Variants in ADD3 observed in about 807,000 individuals in gnomAD.
The protein encoded by ADD3 is adducin 3.
Under a neutral mutation model 80.2 loss-of-function variants are expected in ADD3, and 25 were observed. The observed-to-expected ratio is 0.31, with a 90% CI of 0.23 to 0.44. The LOEUF is 0.44. Ranked by LOEUF, ADD3 falls within the 20% of genes least tolerant of loss-of-function variation. ADD3 has a pLI of 1.00. For synonymous variants in ADD3, 284 were observed against 289.6 expected, an observed-to-expected ratio of 0.98 and a Z score of 0.20; for missense variants, 829 against 847.5, an observed-to-expected ratio of 0.98 and a Z score of 0.27.
intron 3 of ADD3, among the ~76,000 whole-genome samples, chr10:110,113,191 ATGCT>A (rs1184197509): frequency 6.6e-6 from 1 of 152,126 alleles, no homozygotes; most frequent in African/African-American, 2.4e-5. Context: ...GGTGGGAGAA[ATGCT>A]TGAGCCCAGG....
At chr10:110,064,351 C>T (rs1843643882) in intron 1 of ADD3, among the ~76,000 whole-genome samples, 1 of 152,098 alleles carries the variant, frequency 6.6e-6, no homozygotes, top group African/African-American at 2.4e-5. Flanking sequence ...ATTGACATAC[C>T]AACTCTGAGT....
intron 1 of ADD3, among the ~76,000 whole-genome samples, chr10:110,073,265 C>A (rs995485342): frequency 1.3e-5 from 2 of 151,348 alleles, no homozygotes; most frequent in African/African-American, 4.9e-5. Flanking sequence ...GCCTCAGCCT[C>A]CCGAGTAGCT....
rs1853376747 is a variant in ADD3 at position 110,133,807 on chromosome 10, A to G, written c.*189A>G. On this transcript the variant is annotated 3_prime_UTR_variant, in exon 15 of 15. Transcript: ENST00000356080. Reference sequence around the variant, plus strand: ...CATCTCTCATTTTATATGTCCAGAAATGGCTTTGAATTTTAAGCAATTACT... The same window carrying G: ...CATCTCTCATTTTATATGTCCAGAAGTGGCTTTGAATTTTAAGCAATTACT... The G allele has an allele frequency of 2.2e-6, 1 of 450,208 alleles. No homozygotes were observed. Among genetic ancestry groups the G allele is most frequent in the Non-Finnish European group, 3.8e-6 (1 of 262,226 alleles). The allele number at this position is 450,208 out of a possible 1,614,324, so 27.9% of individuals were successfully genotyped here. A position where few individuals can be genotyped will look rare whatever the true frequency, so the allele number is the denominator to read the frequency against.
intron 1 of ADD3, among the ~76,000 whole-genome samples, chr10:110,020,032 G>T (rs531061845): frequency 6.6e-6 from 1 of 152,274 alleles, no homozygotes; most frequent in East Asian, 1.9e-4. Context: ...AAAGCAAACT[G>T]TAGAAACATT....
chr10:110,078,736 TACAAC>T (rs1845670361), intron 1 of ADD3, among the ~76,000 whole-genome samples: 2 of 152,168 alleles, frequency 1.3e-5, no homozygotes, highest in South Asian at 4.1e-4. Context: ...AAATCTCTCT[TACAAC>T]ACAGAAAATG....
In ADD3 at chr10:110,116,368, A is replaced by G; in HGVS notation, c.444A>G (p.Val148=). ...RCKLASLYRL[V]DLFGWAHLAN... ...AACTTGCCAGCCTGTACAGACTTGT[A>G]GACTTGTTTGGATGGGCACACCTGG... Residue 148 remains valine (V), a synonymous_variant, in exon 4 of 15, where the codon GTA becomes GTG. Coordinates refer to ENST00000356080, the MANE Select transcript of ADD3 (RefSeq NM_016824.5). The G allele has an allele frequency of 6.2e-7, 1 of 1,614,180 alleles. No individual in the cohort carries two copies. Among genetic ancestry groups the G allele is most frequent in the Non-Finnish European group, 8.5e-7 (1 of 1,179,994 alleles).
chr10:110,069,667 T>C (rs1289603741), intron 1 of ADD3, among the ~76,000 whole-genome samples: 1 of 152,192 alleles, frequency 6.6e-6, no homozygotes, highest in Admixed American at 6.5e-5. Flanking sequence ...TGAAATTTGT[T>C]TACTGACCTT....
intron 1 of ADD3, among the ~76,000 whole-genome samples, chr10:110,078,686 C>G (rs1038172690): frequency 6.6e-6 from 1 of 152,038 alleles, no homozygotes; most frequent in Non-Finnish European, 1.5e-5. Context: ...GCATCATGAC[C>G]CAATCATGAC....
At chr10:110,069,566 C>T (rs1253085492) in intron 1 of ADD3, among the ~76,000 whole-genome samples, 1 of 151,986 alleles carries the variant, frequency 6.6e-6, no homozygotes, top group Non-Finnish European at 1.5e-5. Context: ...CCCCTTCCCA[C>T]CCTCTCCCAT....
chr10:110,100,768 A>G lies in ADD3; in HGVS notation c.115A>G (p.Arg39Gly). 1.2e-6 allele frequency: 2 copies of G among 1,613,976 alleles called. No individual in the cohort carries two copies. Among genetic ancestry groups the G allele is most frequent in the Admixed American group, 1.7e-5 (1 of 60,000 alleles). Residue 39 changes from arginine (R) to glycine (G), a missense_variant, in exon 2 of 15, where the codon AGG (arginine) becomes GGG (glycine). Coordinates refer to ENST00000356080, the MANE Select transcript of ADD3 (RefSeq NM_016824.5). ...AAATGACCCAGAATACATTAGGGAG[A>G]GGAACATGTCTCCTGATCTACGACA... ...NENDPEYIRE[R>G]NMSPDLRQDF...
chr10:110,095,687 TAGTC>T (rs1848068662), intron 1 of ADD3, among the ~76,000 whole-genome samples: 1 of 152,212 alleles, frequency 6.6e-6, no homozygotes, highest in African/African-American at 2.4e-5. Flanking sequence ...AATTTTATAA[TAGTC>T]AAAGACGAGA....
chr10:109,997,110 G>A (rs1347351169), intron 1 of ADD3, among the ~76,000 whole-genome samples: 1 of 152,214 alleles, frequency 6.6e-6, no homozygotes, highest in Non-Finnish European at 1.5e-5. Context: ...AGAGAAAGCT[G>A]AAGAATAGGG....
chr10:110,096,620 C>G (rs1050725069), intron 1 of ADD3, among the ~76,000 whole-genome samples: 1 of 152,082 alleles, frequency 6.6e-6, no homozygotes, highest in Non-Finnish European at 1.5e-5. Flanking sequence ...ACCTGGCTTA[C>G]TGGGGACAGC....
At chr10:110,128,081 C>A (rs1166375009) in intron 12 of ADD3, among the ~76,000 whole-genome samples, 1 of 139,168 alleles carries the variant, frequency 7.2e-6, no homozygotes, top group Non-Finnish European at 1.6e-5. Context: ...TGCTTTTAGA[C>A]CCTTTCTGCA....
Position 110,133,482 on chromosome 10 carries a change from T to G in ADD3, c.1985T>G (p.Ile662Ser). The stretch of plus-strand genomic sequence containing the variant: ...ACCATAGAAAACATCGAGATTACTA[T>G]TAAGTCTCCAGAGAAAATCGAAGAA... The part of the protein sequence containing the change: ...STTIENIEIT[I>S]KSPEKIEEVL... Residue 662 changes from isoleucine (I) to serine (S), a missense_variant, in exon 15 of 15, where the codon ATT becomes AGT. Coordinates refer to ENST00000356080, the MANE Select transcript of ADD3 (RefSeq NM_016824.5). 1.2e-6 allele frequency: 2 copies of G among 1,613,904 alleles called. No individual in the cohort carries two copies. Among genetic ancestry groups the G allele is most frequent in the Non-Finnish European group, 8.5e-7 (1 of 1,179,904 alleles).
intron 6 of ADD3, among the ~76,000 whole-genome samples, chr10:110,118,991 A>T (rs1398886182): frequency 2.6e-5 from 4 of 152,206 alleles, no homozygotes; most frequent in Admixed American, 1.3e-4. Flanking sequence ...CTTCTTTCAT[A>T]ATATTTGACA....
At chr10:110,126,574 ATATT>A (rs1263389289) in intron 12 of ADD3, 71 bp downstream of exon 12, 2 of 1,127,038 alleles carry the variant, frequency 1.8e-6, no homozygotes, top group East Asian at 5.2e-5. Flanking sequence ...TTAAATATGA[ATATT>A]TATTTTTACT....
chr10:110,116,396 A>G lies in ADD3; in HGVS notation c.472A>G (p.Asn158Asp). The G allele has an allele frequency of 6.2e-7, 1 of 1,614,100 alleles. No individual in the cohort carries two copies. The highest frequency in any genetic ancestry group is 8.5e-7 in the Non-Finnish European group (1 of 1,179,976). Residue 158 changes from asparagine to aspartate, a missense_variant, in exon 4 of 15, where the codon AAT (asparagine) becomes GAT (aspartate). Coordinates refer to ENST00000356080, the MANE Select transcript of ADD3 (RefSeq NM_016824.5). ...VDLFGWAHLA[N>D]TYISVRISKE... ...CTTGTTTGGATGGGCACACCTGGCA[A>G]ATACCTATATCTCAGTGAGTTCTTC...
At chr10:109,996,617 G>C (rs368160073) in intron 1 of ADD3, among the ~76,000 whole-genome samples, 7 of 152,278 alleles carry the variant, frequency 4.6e-5, no homozygotes, top group African/African-American at 1.7e-4. Flanking sequence ...TTAATGTTAT[G>C]AATTCTCATG....
Sources: allele counts gnomAD v4.1 joint callset (sites outside exome capture counted in the v4.1 genomes callset), GRCh38; gene constraint gnomAD v4.1.1; transcripts MANE v1.5; gene names NCBI Gene and HGNC (gene_info 2026-07-23, HGNC 2026-07-21).